The following SEMA5A variants were observed in gnomAD, a reference collection of about 807,000 sequenced individuals.
SEMA5A encodes the protein semaphorin 5A.
Under a neutral mutation model 135.5 loss-of-function variants are expected in SEMA5A, and 55 were observed. The ratio of observed to expected loss-of-function variants is 0.41; its 90% confidence interval spans 0.33 to 0.51. SEMA5A has a LOEUF of 0.51. Among genes scored for constraint, SEMA5A ranks in the 20% least tolerant of loss-of-function variants. The pLI is 0.37. For synonymous variants in SEMA5A, 580 were observed against 546.5 expected, an observed-to-expected ratio of 1.06 and a Z score of -0.85; for missense variants, 1,290 against 1,419.9, an observed-to-expected ratio of 0.91 and a Z score of 1.47.
intron 8 of SEMA5A, among the ~76,000 whole-genome samples, chr5:9,220,665 AGAC>A (rs1746893261): frequency 6.6e-6 from 1 of 152,222 alleles, no homozygotes; most frequent in Admixed American, 6.5e-5. Flanking sequence ...CAAAGCTTAA[AGAC>A]CAGCGGAAGG....
intron 11 of SEMA5A, among the ~76,000 whole-genome samples, chr5:9,173,569 C>T (rs1368881695): frequency 6.6e-6 from 1 of 152,112 alleles, no homozygotes; most frequent in East Asian, 1.9e-4. Context: ...TCTTTGGGAT[C>T]TCTTCTATTG....
chr5:9,329,332 T>C (rs1190854198), intron 4 of SEMA5A, among the ~76,000 whole-genome samples: 2 of 152,212 alleles, frequency 1.3e-5, no homozygotes, highest in Admixed American at 6.5e-5. Context: ...TCTGCAGTTT[T>C]AGCTCAAAAG....
intron 14 of SEMA5A, among the ~76,000 whole-genome samples, chr5:9,121,006 G>A (rs1363502044): frequency 3.9e-5 from 6 of 152,104 alleles, no homozygotes; most frequent in Non-Finnish European, 7.4e-5. Context: ...TTGAACTCCC[G>A]ACCTCAGGTG....
intron 5 of SEMA5A, among the ~76,000 whole-genome samples, chr5:9,294,910 C>A (rs1453230672): frequency 6.6e-6 from 1 of 152,164 alleles, no homozygotes; most frequent in Non-Finnish European, 1.5e-5. Context: ...ATTAGCCTTT[C>A]AAATACCCAC....
chr5:9,335,035 G>A (rs1387909577), intron 4 of SEMA5A, among the ~76,000 whole-genome samples: 1 of 152,064 alleles, frequency 6.6e-6, no homozygotes, highest in Non-Finnish European at 1.5e-5. Flanking sequence ...CAGATTCCAG[G>A]GGCCCTGGGA....
chr5:9,317,124 T>A lies in SEMA5A; in HGVS notation c.270+1248A>T, dbSNP rs551018113. 3.9e-5 allele frequency among the ~76,000 whole-genome samples: 6 copies of A among 152,310 alleles called. No homozygotes were observed. The East Asian group carries it at 5.8e-4, about 15-fold the overall frequency. On this transcript the variant is annotated intron_variant, in intron 5 of 22. Coordinates refer to ENST00000382496, the MANE Select transcript of SEMA5A (RefSeq NM_003966.3). The stretch of plus-strand genomic sequence containing the variant: ...ATTGCTGATCATTCTGATTCCTTAA[T>A]AATAAATTCATAATTTTACCACTCA...
At chr5:9,539,611 C>A (rs1234870496) in intron 1 of SEMA5A, among the ~76,000 whole-genome samples, 2 of 152,138 alleles carry the variant, frequency 1.3e-5, no homozygotes, top group Non-Finnish European at 2.9e-5. Flanking sequence ...TTAAGTATCC[C>A]TTACCCAAAA....
At chr5:9,208,747 G>T (rs1160002211) in intron 8 of SEMA5A, among the ~76,000 whole-genome samples, 1 of 152,158 alleles carries the variant, frequency 6.6e-6, no homozygotes, top group East Asian at 1.9e-4. Context: ...CCATAACAAG[G>T]AGTATGGATT....
intron 5 of SEMA5A, among the ~76,000 whole-genome samples, chr5:9,249,394 A>G (rs112574102): frequency 0.036 from 5,465 of 152,266 alleles, 198 homozygotes; most frequent in South Asian, 0.099. Context: ...TCACGTTGCC[A>G]TTACTTACCT....
At chr5:9,294,858 C>T (rs1751254041) in intron 5 of SEMA5A, among the ~76,000 whole-genome samples, 1 of 152,024 alleles carries the variant, frequency 6.6e-6, no homozygotes, top group Admixed American at 6.6e-5. Context: ...TGTTTTCCTC[C>T]TTCATCCCTC....
chr5:9,153,487 G>A (rs1331753747), intron 12 of SEMA5A, among the ~76,000 whole-genome samples: 2 of 152,134 alleles, frequency 1.3e-5, no homozygotes, highest in African/African-American at 4.8e-5. Context: ...TGGCCTGAGG[G>A]TGAAGGAAGA....
intron 5 of SEMA5A, among the ~76,000 whole-genome samples, chr5:9,276,300 A>C (rs1750257836): frequency 6.6e-6 from 1 of 152,232 alleles, no homozygotes; most frequent in African/African-American, 2.4e-5. Context: ...CTGCTCAAGG[A>C]AATAAGAGAG....
intron 8 of SEMA5A, among the ~76,000 whole-genome samples, chr5:9,221,335 C>T (rs1746951632): frequency 7.4e-6 from 1 of 135,982 alleles, no homozygotes; most frequent in Non-Finnish European, 1.5e-5. Flanking sequence ...CGGAGTCTCG[C>T]TGTGTCACCC....
At chr5:9,460,425 C>T (rs1279532090) in intron 1 of SEMA5A, among the ~76,000 whole-genome samples, 1 of 152,100 alleles carries the variant, frequency 6.6e-6, no homozygotes, top group Admixed American at 6.5e-5. Flanking sequence ...ATACCCAAAA[C>T]ATGAAACAGC....
chr5:9,255,877 G>C (rs552457186), intron 5 of SEMA5A, among the ~76,000 whole-genome samples: 1 of 152,072 alleles, frequency 6.6e-6, no homozygotes, highest in South Asian at 2.1e-4. Flanking sequence ...TAAATCACCA[G>C]CCATGATTTC....
chr5:9,064,575 A>G (rs10070993), intron 17 of SEMA5A, among the ~76,000 whole-genome samples: 236 of 152,202 alleles, frequency 1.6e-3, no homozygotes, highest in African/African-American at 5.4e-3. Context: ...GTTCTCACTC[A>G]TAAGTGGGAA....
intron 16 of SEMA5A, among the ~76,000 whole-genome samples, chr5:9,068,907 G>T (rs1737622601): frequency 6.6e-6 from 1 of 152,164 alleles, no homozygotes. Flanking sequence ...AAGAGAAAAT[G>T]CACATGGGGT....
chr5:9,382,802 T>C (rs1314313334), intron 2 of SEMA5A, among the ~76,000 whole-genome samples: 3 of 152,184 alleles, frequency 2.0e-5, no homozygotes, highest in Non-Finnish European at 4.4e-5. Context: ...GGAGTTGATA[T>C]AAGGAAGCCA....
chr5:9,362,481 C>T (rs1249772375), intron 3 of SEMA5A, among the ~76,000 whole-genome samples: 1 of 152,046 alleles, frequency 6.6e-6, no homozygotes, highest in African/African-American at 2.4e-5. Context: ...GAAATACTAC[C>T]CTACGAGGGC....
Sources: allele counts gnomAD v4.1 joint callset (sites outside exome capture counted in the v4.1 genomes callset), GRCh38; gene constraint gnomAD v4.1.1; transcripts MANE v1.5; gene names NCBI Gene and HGNC (gene_info 2026-07-23, HGNC 2026-07-21).